Variants in PCBD2 observed in about 807,000 individuals in gnomAD.
PCBD2 encodes pterin-4-alpha-carbinolamine dehydratase 2.
Under a neutral mutation model 16.4 loss-of-function variants are expected in PCBD2, and 12 were observed. The ratio of observed to expected loss-of-function variants is 0.73; its 90% confidence interval spans 0.47 to 1.19. The LOEUF (loss-of-function observed/expected upper bound fraction) is 1.19, where lower values mean the gene tolerates loss of function less well. Among genes scored for constraint, PCBD2 ranks in the 50% most tolerant of loss-of-function variants. PCBD2 has a pLI of 0.00. For synonymous variants in PCBD2, 58 were observed against 61.8 expected (o/e 0.94, Z 0.29); for missense variants, 138 against 156.8 (o/e 0.88, Z 0.64).
rs535360649 is a variant in PCBD2 at position 134,910,359 on chromosome 5, G to C, written c.109G>C (p.Ala37Pro). 1.2e-6 allele frequency: 2 copies of C among 1,614,044 alleles called. No homozygotes were observed. The highest frequency in any genetic ancestry group is 4.5e-5 in the East Asian group (2 of 44,884). Residue 37 changes from alanine (A) to proline (P), a missense_variant, in exon 2 of 4, where the codon GCA (alanine) becomes CCA (proline). Ala to Pro is a conservative substitution (Grantham distance 27). Coordinates refer to ENST00000254908, the MANE Select transcript of PCBD2 (RefSeq NM_032151.5). Reference protein sequence around the residue: ...AMSSGTHRLTAEERNQAILDL... With the variant: ...AMSSGTHRLTPEERNQAILDL... Reference sequence around the variant, plus strand: ...GTCATCAGGTACTCACAGGTTGACTGCAGAGGAGAGGAACCAAGCTATACT... The same window carrying C: ...GTCATCAGGTACTCACAGGTTGACTCCAGAGGAGAGGAACCAAGCTATACT...
intron 2 of PCBD2, among the ~76,000 whole-genome samples, chr5:134,922,309 A>G (rs946231240): frequency 3.9e-5 from 6 of 152,132 alleles, no homozygotes; most frequent in Non-Finnish European, 7.4e-5. Context: ...TCTCTTGTGT[A>G]GCTGGGATTA....
At chr5:134,948,825 A>G (rs996015988) in intron 2 of PCBD2, among the ~76,000 whole-genome samples, 1 of 152,134 alleles carries the variant, frequency 6.6e-6, no homozygotes, top group African/African-American at 2.4e-5. Flanking sequence ...TGACCTGTTC[A>G]GTGACATTTA....
chr5:134,909,256 G>C (rs319596), intron 1 of PCBD2, among the ~76,000 whole-genome samples: 1 of 152,016 alleles, frequency 6.6e-6, no homozygotes, highest in African/African-American at 2.4e-5. Context: ...GAGAGAGTTT[G>C]TCTGACTGGT....
chr5:134,910,527 C>G, intron 2 of PCBD2, 61 bp downstream of exon 2: 1 of 1,550,870 alleles, frequency 6.4e-7, no homozygotes, highest in Non-Finnish European at 8.8e-7. Flanking sequence ...GGCCATAACA[C>G]TTTCTGATTC....
rs1220114582 is a variant in PCBD2, at chr5:134,947,389, A to ATTTT, written c.217-11632_217-11629dup. ...GTTACAGCCATCGCGCCCGGCCTCAATTTTTTTTTTTTTTTTTTTTTTGAG... is the reference window on the plus strand; with the variant it reads ...GTTACAGCCATCGCGCCCGGCCTCAATTTTTTTTTTTTTTTTTTTTTTTTTTGAG... On this transcript the variant is annotated intron_variant, in intron 2 of 3. Coordinates refer to ENST00000254908, the MANE Select transcript of PCBD2 (RefSeq NM_032151.5). Among the ~76,000 whole-genome samples the ATTTT allele has an allele frequency of 2.5e-4, 26 of 103,048 alleles. 1 individual carries two copies. Among genetic ancestry groups the ATTTT allele is most frequent in the African/African-American group, 4.6e-4 (12 of 25,960 alleles). The allele number at this position is 103,048 out of a possible 152,430, so 67.6% of individuals were successfully genotyped here.
chr5:134,961,976 G>A lies in PCBD2; in HGVS notation c.*1295G>A, dbSNP rs553730515. On this transcript the variant is annotated 3_prime_UTR_variant, in exon 4 of 4. Transcript: ENST00000254908. ...GGGGTCTCCCATCTTGCCCAGGCTG[G>A]CCTTGAACTCTTGGGCTCAAGCAAG... Among the ~76,000 whole-genome samples, 1 of 152,136 alleles carries A rather than the reference G, an allele frequency of 6.6e-6. No individual in the cohort carries two copies. The highest frequency in any genetic ancestry group is 2.4e-5 in the African/African-American group (1 of 41,498).
intron 2 of PCBD2, among the ~76,000 whole-genome samples, chr5:134,912,875 C>T (rs938844416): frequency 2.6e-5 from 4 of 152,114 alleles, no homozygotes; most frequent in East Asian, 1.9e-4. Flanking sequence ...GACCCTCTGG[C>T]GCTGATGGGT....
At chr5:134,944,705 C>T (rs1040023005) in intron 2 of PCBD2, among the ~76,000 whole-genome samples, 3 of 152,128 alleles carry the variant, frequency 2.0e-5, no homozygotes, top group Non-Finnish European at 4.4e-5. Context: ...TGTACTGGTA[C>T]CTGTATGCTC....
intron 2 of PCBD2, among the ~76,000 whole-genome samples, chr5:134,953,803 TAAC>T (rs1194861449): frequency 1.3e-5 from 2 of 152,032 alleles, no homozygotes; most frequent in Non-Finnish European, 2.9e-5. Context: ...TCCATCTTAA[TAAC>T]AACAACAAAA....
Position 134,958,925 on chromosome 5 carries a change from C to T in PCBD2, c.217-115C>T, listed in dbSNP as rs578057229. The T allele has an allele frequency of 1.2e-4, 88 of 729,340 alleles. 2 individuals are homozygous for T. The Admixed American group carries it at 1.7e-3, about 14-fold the overall frequency. 45.2% of individuals were successfully genotyped at this position (729,340 alleles called of 1,614,324 possible). ...GCAGTCCTTTCATAGTTGATTTCCA[C>T]AGGCTTCCCTAAGGATCCTTGCCTG... On this transcript the variant is annotated intron_variant, in intron 2 of 3. Transcript: ENST00000254908.
At chr5:134,945,171 A>G (rs1200652458) in intron 2 of PCBD2, among the ~76,000 whole-genome samples, 1 of 152,200 alleles carries the variant, frequency 6.6e-6, no homozygotes, top group African/African-American at 2.4e-5. Context: ...AGTTGCATCA[A>G]ATGGCAGTGC....
chr5:134,934,148 C>T (rs1438732284), intron 2 of PCBD2, among the ~76,000 whole-genome samples: 1 of 151,980 alleles, frequency 6.6e-6, no homozygotes, highest in Admixed American at 6.6e-5. Flanking sequence ...ATGTTTTATA[C>T]ATATTTGTGT....
At chr5:134,917,968 A>G (rs1311089381) in intron 2 of PCBD2, among the ~76,000 whole-genome samples, 1 of 152,252 alleles carries the variant, frequency 6.6e-6, no homozygotes, top group Non-Finnish European at 1.5e-5. Context: ...AGGCTTGATG[A>G]TACCAGAAGA....
chr5:134,946,536 C>G (rs1250080875), intron 2 of PCBD2, among the ~76,000 whole-genome samples: 2 of 152,176 alleles, frequency 1.3e-5, no homozygotes, highest in Non-Finnish European at 2.9e-5. Flanking sequence ...GCTTTAAAAA[C>G]TTTTAAAAGG....
intron 2 of PCBD2, among the ~76,000 whole-genome samples, chr5:134,955,979 C>G (rs545627539): frequency 6.6e-6 from 1 of 152,248 alleles, no homozygotes; most frequent in Non-Finnish European, 1.5e-5. Flanking sequence ...CTCTCTTATT[C>G]AGTCATCTAA....
intron 1 of PCBD2, 125 bp from the exon 2 acceptor site, chr5:134,910,210 A>G: frequency 9.6e-7 from 1 of 1,046,248 alleles, no homozygotes; most frequent in Non-Finnish European, 1.4e-6. Flanking sequence ...GAACAAAGGA[A>G]TGAAAGATGG....
At chr5:134,941,119 A>C (rs1298242730) in intron 2 of PCBD2, among the ~76,000 whole-genome samples, 7 of 93,436 alleles carry the variant, frequency 7.5e-5, no homozygotes, top group African/African-American at 2.9e-4. Context: ...CATCTCAAGG[A>C]AAAAAAAAAA....
intron 2 of PCBD2, chr5:134,924,914 G>A: frequency 2.6e-6 from 1 of 390,734 alleles, no homozygotes; most frequent in East Asian, 3.6e-5. Context: ...GTATACAGTG[G>A]GGATTTTATT....
At chr5:134,945,210 GC>G (rs1751277815) in intron 2 of PCBD2, among the ~76,000 whole-genome samples, 1 of 152,074 alleles carries the variant, frequency 6.6e-6, no homozygotes, top group South Asian at 2.1e-4. Context: ...TGCTTTTTTT[GC>G]CCTGATGGTT....
Sources: allele counts gnomAD v4.1 joint callset (sites outside exome capture counted in the v4.1 genomes callset), GRCh38; gene constraint gnomAD v4.1.1; transcripts MANE v1.5; gene names NCBI Gene and HGNC (gene_info 2026-07-23, HGNC 2026-07-21).